SLC12A6: variants seen among roughly 807,000 people sequenced by gnomAD.
SLC12A6 encodes K-Cl cotransporter 3.
SLC12A6 carries 66 observed loss-of-function variants against 135.3 expected under a neutral mutation model. The observed-to-expected ratio is 0.49, with a 90% CI of 0.40 to 0.60. SLC12A6 has a LOEUF of 0.60. SLC12A6 is among the 20% of genes least tolerant of loss of function. The pLI is 0.00. For synonymous variants in SLC12A6, 513 were observed against 508.8 expected (o/e 1.01, Z -0.11); for missense variants, 1,058 against 1,452.3 (o/e 0.73, Z 4.41).
intron 2 of SLC12A6, among the ~76,000 whole-genome samples, chr15:34,308,136 T>C (rs1356836298): frequency 6.6e-6 from 1 of 152,220 alleles, no homozygotes; most frequent in African/African-American, 2.4e-5. Flanking sequence ...TTCAGTGATA[T>C]TAAAATTCAA....
Position 34,257,758 on chromosome 15 carries a change from A to G in SLC12A6, c.574T>C (p.Tyr192His). ...TPQMGTFMGV[Y>H]LPCLQNIFGV... ...AAAATATTTTGTAGACATGGGAGGT[A>G]GACACCCATGAAGGTACCCATTTGG... Residue 192 changes from tyrosine to histidine, a missense_variant, in exon 6 of 26, where the codon TAC becomes CAC. Coordinates refer to ENST00000354181, the MANE Select transcript of SLC12A6 (RefSeq NM_001365088.1). 6.2e-7 allele frequency: 1 copy of G among 1,606,956 alleles called. No individual in the cohort carries two copies. The highest frequency in any genetic ancestry group is 1.1e-5 in the South Asian group (1 of 90,964).
Position 34,249,472 on chromosome 15 carries a change from C to A in SLC12A6, c.1649+826G>T, listed in dbSNP as rs140293375. Among the ~76,000 whole-genome samples, 817 of 152,022 alleles carry A rather than the reference C, an allele frequency of 5.4e-3. 12 individuals are homozygous for A. Among genetic ancestry groups the A allele is most frequent in the African/African-American group, 0.018 (762 of 41,452 alleles). On this transcript the variant is annotated intron_variant, in intron 13 of 25. Coordinates refer to ENST00000354181, the MANE Select transcript of SLC12A6 (RefSeq NM_001365088.1). Reference sequence around the variant, plus strand: ...GTCCCAGCTACTTGGGAAGCTGAGGCGGGAGGATTACTTGAGCCCAGGAGG... The same window carrying A: ...GTCCCAGCTACTTGGGAAGCTGAGGAGGGAGGATTACTTGAGCCCAGGAGG...
chr15:34,237,262 G>A, intron 22 of SLC12A6, 157 bp downstream of exon 22: 2 of 620,118 alleles, frequency 3.2e-6, no homozygotes, highest in Non-Finnish European at 5.5e-6. Context: ...ATTCTACTTA[G>A]GGCAACAAAT....
intron 2 of SLC12A6, chr15:34,318,867 A>T: frequency 7.0e-7 from 1 of 1,426,798 alleles, no homozygotes; most frequent in Non-Finnish European, 9.2e-7. Context: ...GCTTGAAGAC[A>T]CGCCTTCCAC....
rs117522859 is a variant in SLC12A6, at chr15:34,293,752, G to A, written c.272-18363C>T. On this transcript the variant is annotated intron_variant, in intron 2 of 25. Transcript: ENST00000354181. ...GTAGCTGGGACTACAGGCATGTGCC[G>A]TCACACCTTGCTAATTAAAAAAATG... is the stretch of plus-strand genomic sequence containing the variant. Among the ~76,000 whole-genome samples, 65 of 152,160 alleles carry A rather than the reference G, an allele frequency of 4.3e-4. 2 individuals are homozygous for A. In the East Asian group the frequency reaches 0.011, roughly 27 times the overall value.
chr15:34,239,830 G>A (rs567211136), intron 19 of SLC12A6, among the ~76,000 whole-genome samples: 18 of 152,038 alleles, frequency 1.2e-4, no homozygotes, highest in African/African-American at 4.3e-4. Context: ...CTAAGAACTA[G>A]GCTCTCCTGA....
chr15:34,238,991 T>C lies in SLC12A6; in HGVS notation c.2606A>G (p.Asp869Gly). Residue 869 changes from aspartate (D) to glycine (G), a missense_variant, in exon 20 of 26, where the codon GAT becomes GGT. Coordinates refer to ENST00000354181, the MANE Select transcript of SLC12A6 (RefSeq NM_001365088.1). ...GWPNGWRQSE[D>G]ARAWKTFIGT... The stretch of plus-strand genomic sequence containing the variant: ...AATAAAAGTCTTCCAAGCGCGGGCA[T>C]CTTCGCTTTGACGCCAGCCATTAGG... The C allele has an allele frequency of 1.2e-6, 2 of 1,614,218 alleles. No homozygotes were observed. The highest frequency in any genetic ancestry group is 1.7e-6 in the Non-Finnish European group (2 of 1,180,024).
chr15:34,289,450 G>C (rs1227189968), intron 2 of SLC12A6, among the ~76,000 whole-genome samples: 2 of 143,098 alleles, frequency 1.4e-5, no homozygotes, highest in South Asian at 4.4e-4. Context: ...ATTCTTTTTT[G>C]TTGTGTCTGT....
chr15:34,282,423 CGTT>C (rs1412110046), intron 2 of SLC12A6, among the ~76,000 whole-genome samples: 1 of 152,074 alleles, frequency 6.6e-6, no homozygotes, highest in Non-Finnish European at 1.5e-5. Context: ...CTTTGGGAAA[CGTT>C]GAACTAATTC....
intron 2 of SLC12A6, chr15:34,318,748 C>G: frequency 1.2e-6 from 2 of 1,605,326 alleles, no homozygotes; most frequent in Non-Finnish European, 1.7e-6. Context: ...CCCTGCCTAC[C>G]TCTTCCTTGC....
chr15:34,245,991 G>A lies in SLC12A6; in HGVS notation c.1650-124C>T. 9.0e-6 allele frequency: 7 copies of A among 776,598 alleles called. No individual in the cohort carries two copies. In the South Asian group the frequency reaches 1.0e-4, roughly 11 times the overall value. The allele number at this position is 776,598 out of a possible 1,614,324, so 48.1% of individuals were successfully genotyped here. ...TCTGTCACCCAGGCTAGAGTGCAGT[G>A]GTGTGATCTTGGCTCACTCCAAACT... is the stretch of plus-strand genomic sequence containing the variant. On this transcript the variant is annotated intron_variant, in intron 13 of 25. Coordinates refer to ENST00000354181, the MANE Select transcript of SLC12A6 (RefSeq NM_001365088.1).
In SLC12A6 at chr15:34,252,424, A is replaced by C. The variant is rs557756018; in HGVS notation, c.1119-40T>G. On this transcript the variant is annotated intron_variant, in intron 9 of 25. Transcript: ENST00000354181. The stretch of plus-strand genomic sequence containing the variant: ...ATAGGGAGAAAGATCAAGTAAGGAA[A>C]AAAAGTACATTAAAAAAAAAGGAAA... 37 of 1,206,256 alleles carry C rather than the reference A, an allele frequency of 3.1e-5. No individual in the cohort carries two copies. The East Asian group carries it at 8.4e-4, about 27-fold the overall frequency. 74.7% of individuals were successfully genotyped at this position (1,206,256 alleles called of 1,614,324 possible). A position where few individuals can be genotyped will look rare whatever the true frequency, so the allele number is the denominator to read the frequency against.
In SLC12A6 at chr15:34,235,125, CAGAA is replaced by C. The variant is rs1211393813; in HGVS notation, c.3361+52_3361+55del. On this transcript the variant is annotated intron_variant, in intron 25 of 25. Transcript: ENST00000354181. The stretch of plus-strand genomic sequence containing the variant: ...GACTTTTATTGTTACCTAGTTATCT[CAGAA>C]AGAGGTTAAGGAGATTTTCCCTACT... The C allele has an allele frequency of 1.3e-4, 189 of 1,508,572 alleles. 1 individual carries two copies. The highest frequency in any genetic ancestry group is 1.6e-4 in the Non-Finnish European group (176 of 1,083,970). 93.4% of individuals were successfully genotyped at this position (1,508,572 alleles called of 1,614,324 possible).
intron 3 of SLC12A6, among the ~76,000 whole-genome samples, chr15:34,264,361 G>T (rs189961485): frequency 7.9e-5 from 12 of 152,250 alleles, no homozygotes; most frequent in Admixed American, 7.2e-4. Flanking sequence ...CAAAAGAATG[G>T]AAGTTGAATC....
chr15:34,252,253 T>A lies in SLC12A6; in HGVS notation c.1250A>T (p.Asn417Ile). The change falls in exon 10 of 26, where the codon AAT becomes ATT. Residue 417 changes from asparagine to isoleucine, a missense_variant. Asn to Ile is a moderately radical substitution (Grantham distance 149, BLOSUM62 -3). This residue lies in a region of SLC12A6 where 297 missense variants were observed against 318.5 expected (regional missense o/e 0.93). Coordinates refer to ENST00000354181, the MANE Select transcript of SLC12A6 (RefSeq NM_001365088.1). ...GFFCNSSQFF[N>I]ATCDEYFVHN... ...AACAAAGTATTCATCACAGGTGGCA[T>A]TGAAAAATTGACTCGAGTTACAGAA... 1 of 1,608,446 alleles carries A rather than the reference T, an allele frequency of 6.2e-7. No homozygotes were observed. The highest frequency in any genetic ancestry group is 1.1e-5 in the South Asian group (1 of 90,964).
chr15:34,276,882 C>A (rs1433012205), intron 2 of SLC12A6, among the ~76,000 whole-genome samples: 1 of 152,140 alleles, frequency 6.6e-6, no homozygotes, highest in Non-Finnish European at 1.5e-5. Context: ...GAATACTTAA[C>A]AAATTCCAGT....
intron 2 of SLC12A6, among the ~76,000 whole-genome samples, chr15:34,301,117 C>A (rs1348503284): frequency 6.6e-6 from 1 of 152,050 alleles, no homozygotes; most frequent in Non-Finnish European, 1.5e-5. Context: ...TAGAGGCATG[C>A]ACCACCACAC....
Position 34,254,426 on chromosome 15 carries a change from A to G in SLC12A6, c.1040T>C (p.Phe347Ser). The change falls in exon 9 of 26, where the codon TTC becomes TCC. Residue 347 changes from phenylalanine (F) to serine (S), a missense_variant. By Grantham distance (155) the Phe-to-Ser change is radical (BLOSUM62 -2). Transcript: ENST00000354181. ...GATGGACACAATGACACAGGCCAGGAAAAGTGAGGCAAACTTGTTCACATA... is the reference window on the plus strand; with the variant it reads ...GATGGACACAATGACACAGGCCAGGGAAAGTGAGGCAAACTTGTTCACATA... ...VRYVNKFASL[F>S]LACVIVSILA... is the part of the protein sequence containing the mutation. 1 of 1,613,634 alleles carries G rather than the reference A, an allele frequency of 6.2e-7. No homozygotes were observed. Among genetic ancestry groups the G allele is most frequent in the Non-Finnish European group, 8.5e-7 (1 of 1,179,518 alleles).
intron 2 of SLC12A6, among the ~76,000 whole-genome samples, chr15:34,302,936 G>A (rs192919059): frequency 2.1e-4 from 31 of 144,868 alleles, no homozygotes; most frequent in Admixed American, 1.4e-4. Context: ...GGTGACAGAC[G>A]GGAGAAGGGA....
Sources: allele counts gnomAD v4.1 joint callset (sites outside exome capture counted in the v4.1 genomes callset), GRCh38; gene constraint gnomAD v4.1.1; regional missense constraint gnomAD v4.1.1; transcripts MANE v1.5; gene names NCBI Gene and HGNC (gene_info 2026-07-23, HGNC 2026-07-21).